The following RNF220 variants were observed in gnomAD, a reference collection of about 807,000 sequenced individuals.
The protein encoded by RNF220 is E3 ubiquitin-protein ligase RNF220.
A neutral mutation model predicts 67.1 loss-of-function variants in RNF220; 7 were observed. That is an observed-to-expected ratio of 0.10 (90% confidence interval 0.06 to 0.20). RNF220 has a LOEUF of 0.20. Ranked by LOEUF, RNF220 falls within the 10% of genes least tolerant of loss-of-function variation. The pLI is 1.00. For missense variants in RNF220, 565 were observed against 740.3 expected (o/e 0.76, Z 2.75); for synonymous variants, 270 against 283.2 (o/e 0.95, Z 0.47).
At chr1:44,465,105 G>A (rs889910566) in intron 2 of RNF220, among the ~76,000 whole-genome samples, 1 of 152,156 alleles carries the variant, frequency 6.6e-6, no homozygotes, top group African/African-American at 2.4e-5. Context: ...AAAGAAAGGA[G>A]ATGGGGTTTC....
intron 2 of RNF220, among the ~76,000 whole-genome samples, chr1:44,608,713 C>T (rs567054523): frequency 1.4e-4 from 21 of 152,120 alleles, no homozygotes; most frequent in Admixed American, 3.3e-4. Flanking sequence ...ATGGATAAAC[C>T]GACATATAAA....
intron 2 of RNF220, among the ~76,000 whole-genome samples, chr1:44,567,757 C>G (rs1010206562): frequency 6.6e-6 from 1 of 152,130 alleles, no homozygotes; most frequent in East Asian, 1.9e-4. Context: ...TACACTCTGA[C>G]TGGAGCTCAT....
intron 2 of RNF220, among the ~76,000 whole-genome samples, chr1:44,544,320 A>G (rs541230444): frequency 6.6e-6 from 1 of 152,184 alleles, no homozygotes; most frequent in Non-Finnish European, 1.5e-5. Flanking sequence ...TGTGCTCTGG[A>G]GTCAGACAGA....
intron 2 of RNF220, among the ~76,000 whole-genome samples, chr1:44,577,230 C>T (rs1400776386): frequency 6.6e-6 from 1 of 152,202 alleles, no homozygotes; most frequent in Admixed American, 6.5e-5. Context: ...AAGCCATCTT[C>T]GGCCACTGCC....
intron 2 of RNF220, among the ~76,000 whole-genome samples, chr1:44,511,398 G>A (rs1248206565): frequency 6.6e-6 from 1 of 152,142 alleles, no homozygotes; most frequent in East Asian, 1.9e-4. Flanking sequence ...GGAAAGGAAA[G>A]GTGGGGGACA....
At chr1:44,435,184 G>A (rs941776366) in intron 2 of RNF220, among the ~76,000 whole-genome samples, 13 of 152,150 alleles carry the variant, frequency 8.5e-5, no homozygotes, top group East Asian at 5.8e-4. Flanking sequence ...AACGGAGTGC[G>A]ACATGCTGAG....
intron 2 of RNF220, among the ~76,000 whole-genome samples, chr1:44,430,074 GA>G (rs371193453): frequency 0.075 from 9,482 of 126,208 alleles, 330 homozygotes; most frequent in African/African-American, 0.1. Flanking sequence ...GATACAGAGA[GA>G]AAAAAAAAAA....
At chr1:44,434,475 G>A (rs985123113) in intron 2 of RNF220, among the ~76,000 whole-genome samples, 1 of 152,070 alleles carries the variant, frequency 6.6e-6, no homozygotes, top group African/African-American at 2.4e-5. Flanking sequence ...TTGGGAGGCC[G>A]AGGCGGGCGG....
At chr1:44,584,900 T>C (rs574236172) in intron 2 of RNF220, among the ~76,000 whole-genome samples, 235 of 152,306 alleles carry the variant, frequency 1.5e-3, no homozygotes, top group African/African-American at 5.4e-3. Flanking sequence ...GGTTTCACCA[T>C]GTTGGCCAGG....
At chr1:44,413,935 A>G (rs1648263120) in intron 2 of RNF220, among the ~76,000 whole-genome samples, 1 of 152,248 alleles carries the variant, frequency 6.6e-6, no homozygotes, top group Non-Finnish European at 1.5e-5. Context: ...ATCTGCCTAA[A>G]CCCAGCGTAC....
intron 2 of RNF220, among the ~76,000 whole-genome samples, chr1:44,593,676 C>T (rs1666266636): frequency 6.6e-6 from 1 of 152,030 alleles, no homozygotes; most frequent in South Asian, 2.1e-4. Context: ...GAGCTAGGAT[C>T]GCCACTGCAC....
At position 44,565,219 on chromosome 1, in the gene RNF220, T is replaced by C. The variant is rs190864957; in HGVS notation, c.626-48946T>C. ...TGCCTAGGAATATGTTGGTGAATTA[T>C]AGCAGTTCACCACTGAACCAGGAGA... is the stretch of plus-strand genomic sequence containing the variant. On this transcript the variant is annotated intron_variant, in intron 2 of 14. Coordinates refer to ENST00000361799, the MANE Select transcript of RNF220 (RefSeq NM_018150.4). This position sits in a 1 kb window ranked among gnomAD's most constrained non-coding sequence, Gnocchi z 4.2. 1.0e-3 allele frequency among the ~76,000 whole-genome samples: 150 copies of C among 149,862 alleles called. No homozygotes were observed. Among genetic ancestry groups the C allele is most frequent in the African/African-American group, 3.5e-3 (143 of 40,512 alleles).
intron 2 of RNF220, among the ~76,000 whole-genome samples, chr1:44,526,256 A>G (rs928221707): frequency 6.6e-6 from 1 of 152,210 alleles, no homozygotes; most frequent in African/African-American, 2.4e-5. Context: ...CAGTCTGCGT[A>G]CTTGTCCCAG....
At chr1:44,465,467 G>A (rs1017467884) in intron 2 of RNF220, among the ~76,000 whole-genome samples, 19 of 146,574 alleles carry the variant, frequency 1.3e-4, no homozygotes, top group Non-Finnish European at 2.2e-4. Context: ...GTGGACCCTC[G>A]CTATGTTTCA....
At chr1:44,569,522 A>G (rs921391097) in intron 2 of RNF220, among the ~76,000 whole-genome samples, 2 of 152,214 alleles carry the variant, frequency 1.3e-5, no homozygotes, top group South Asian at 2.1e-4. Context: ...CACTTTACTA[A>G]TTGAGCTATC....
intron 2 of RNF220, among the ~76,000 whole-genome samples, chr1:44,513,434 C>T (rs1659192532): frequency 6.6e-6 from 1 of 152,180 alleles, no homozygotes; most frequent in Non-Finnish European, 1.5e-5. Flanking sequence ...CTCTCTTTCA[C>T]TCTCTTCTTT....
chr1:44,632,320 A>T lies in RNF220; in HGVS notation c.907-23A>T, dbSNP rs769719322. The T allele has an allele frequency of 5.0e-6, 8 of 1,614,020 alleles. No homozygotes were observed. In the South Asian group the frequency reaches 7.7e-5, roughly 16 times the overall value. On this transcript the variant is annotated intron_variant, in intron 5 of 14. Transcript: ENST00000361799. ...CTGACGCTCTCTTTTCTTTTCTTGC[A>T]TCTGCCCGCGATCTTCTCCCAGACC...
At chr1:44,478,233 G>GCCTCCCAAATGCAGCCTCCC (rs1557964314) in intron 2 of RNF220, among the ~76,000 whole-genome samples, 10 of 152,044 alleles carry the variant, frequency 6.6e-5, no homozygotes, top group Middle Eastern at 6.8e-3. Flanking sequence ...CCCTGCCTCC[G>GCCTCCCAAATGCAGCCTCCC]CCTCCCAAAT....
chr1:44,536,709 A>G (rs555050565), intron 2 of RNF220, among the ~76,000 whole-genome samples: 101 of 152,276 alleles, frequency 6.6e-4, no homozygotes, highest in African/African-American at 2.3e-3. Flanking sequence ...TGCCGCCACC[A>G]ACACCTTTCT....
Sources: gnomAD v4.1 joint callset for allele counts (sites outside exome capture counted in the v4.1 genomes callset) on GRCh38, gnomAD v4.1.1 for gene constraint, Gnocchi (gnomAD v3.1) non-coding constraint, MANE v1.5 for transcripts, NCBI Gene and HGNC (gene_info 2026-07-23, HGNC 2026-07-21) for gene names.